BTBD9: variants seen among roughly 807,000 people sequenced by gnomAD.
BTBD9 encodes BTB domain containing 9.
A neutral mutation model predicts 64.3 loss-of-function variants in BTBD9; 49 were observed. The observed-to-expected ratio is 0.76, with a 90% CI of 0.61 to 0.97. BTBD9 has a LOEUF of 0.97. Ranked by LOEUF, BTBD9 falls within the 50% of genes least tolerant of loss-of-function variation. BTBD9 has a pLI of 0.00. For synonymous variants in BTBD9, 260 were observed against 274.7 expected (o/e 0.95, Z 0.53); for missense variants, 598 against 762.1 (o/e 0.78, Z 2.53).
At chr6:38,390,701 G>A (rs10484929) in intron 6 of BTBD9, among the ~76,000 whole-genome samples, 8,727 of 152,218 alleles carry the variant, frequency 0.057, 722 homozygotes, top group East Asian at 0.33. Flanking sequence ...TGTCACCACT[G>A]CTTAAACTGA....
At chr6:38,302,521 A>ATATATATATATATC in intron 7 of BTBD9, among the ~76,000 whole-genome samples, 1 of 115,618 alleles carries the variant, frequency 8.6e-6, no homozygotes, top group Non-Finnish European at 1.9e-5. Flanking sequence ...ATATATATAT[A>ATATATATATATATC]TATCACATTC....
At chr6:38,348,458 T>C (rs373749139) in intron 6 of BTBD9, among the ~76,000 whole-genome samples, 30 of 152,274 alleles carry the variant, frequency 2.0e-4, no homozygotes, top group African/African-American at 6.0e-4. Context: ...AGAACAGATA[T>C]CCTTTGTTCT....
At position 38,566,828 on chromosome 6, in the gene BTBD9, T is replaced by C. The variant is rs1028916042; in HGVS notation, c.1154+10772A>G. 3.3e-5 allele frequency among the ~76,000 whole-genome samples: 5 copies of C among 152,204 alleles called. No homozygotes were observed. The East Asian group carries it at 7.7e-4, about 23-fold the overall frequency. On this transcript the variant is annotated intron_variant, in intron 6 of 10. Transcript: ENST00000481247. ...AATACACATATATCTCAACAAACCATGCACATCATCTGTTCAGAACTGGGA... is the reference window on the plus strand; with the variant it reads ...AATACACATATATCTCAACAAACCACGCACATCATCTGTTCAGAACTGGGA...
At chr6:38,189,288 CAA>C (rs1376122732) in intron 10 of BTBD9, among the ~76,000 whole-genome samples, 1 of 152,206 alleles carries the variant, frequency 6.6e-6, no homozygotes. Context: ...CTGCCTGACC[CAA>C]GTCATCCTCC....
At chr6:38,368,291 C>T (rs1036857818) in intron 6 of BTBD9, among the ~76,000 whole-genome samples, 18 of 152,280 alleles carry the variant, frequency 1.2e-4, no homozygotes, top group African/African-American at 4.1e-4. Flanking sequence ...TGGGGGAATA[C>T]ATTGCCCCTT....
At chr6:38,438,489 T>A (rs549560930) in intron 6 of BTBD9, among the ~76,000 whole-genome samples, 40 of 152,222 alleles carry the variant, frequency 2.6e-4, no homozygotes, top group Admixed American at 2.4e-3. Flanking sequence ...ATGAGTTCAG[T>A]GGAGGAAGAA....
intron 9 of BTBD9, among the ~76,000 whole-genome samples, chr6:38,222,457 C>T (rs905492241): frequency 6.6e-6 from 1 of 151,886 alleles, no homozygotes; most frequent in Non-Finnish European, 1.5e-5. Context: ...GACGGGGTTT[C>T]ACCGTGTTAG....
chr6:38,408,275 T>C (rs555497120), intron 6 of BTBD9, among the ~76,000 whole-genome samples: 2 of 152,248 alleles, frequency 1.3e-5, no homozygotes, highest in South Asian at 2.1e-4. Flanking sequence ...GGGGGATCAC[T>C]TGAGCCCAGG....
At chr6:38,358,570 T>C (rs1459068480) in intron 6 of BTBD9, among the ~76,000 whole-genome samples, 1 of 152,116 alleles carries the variant, frequency 6.6e-6, no homozygotes, top group Non-Finnish European at 1.5e-5. Context: ...TGGCCAAGGA[T>C]TCTAACTCAG....
intron 1 of BTBD9, among the ~76,000 whole-genome samples, chr6:38,635,815 C>G (rs1778511065): frequency 1.3e-5 from 2 of 152,102 alleles, no homozygotes; most frequent in Non-Finnish European, 2.9e-5. Flanking sequence ...AAACTTAGAT[C>G]AGTTCTTGTC....
In BTBD9 at chr6:38,174,999, G is replaced by A. The variant is rs745305623; in HGVS notation, c.1825C>T (p.Arg609Trp). The A allele has an allele frequency of 4.8e-5, 77 of 1,613,966 alleles. No individual in the cohort carries two copies. The highest frequency in any genetic ancestry group is 3.3e-4 in the Middle Eastern group (2 of 6,056). Residue 609 changes from arginine (R) to tryptophan (W), a missense_variant, in exon 11 of 11, where the codon CGG (arginine) becomes TGG (tryptophan). Transcript: ENST00000481247. ...SPGSNSRSPNRQHQ is the reference protein window; with the variant it reads ...SPGSNSRSPNWQHQ ...CGCTGCCTCCTTTATTGGTGCTGCC[G>A]GTTGGGGGAGCGTGAGTTGGAGCCT...
At chr6:38,241,822 G>A (rs1301719663) in intron 9 of BTBD9, among the ~76,000 whole-genome samples, 2 of 152,104 alleles carry the variant, frequency 1.3e-5, no homozygotes, top group South Asian at 2.1e-4. Flanking sequence ...GTCTCTTTTC[G>A]TGGAAGGAAA....
intron 6 of BTBD9, among the ~76,000 whole-genome samples, chr6:38,432,180 G>C (rs1768471299): frequency 6.6e-6 from 1 of 151,942 alleles, no homozygotes; most frequent in Non-Finnish European, 1.5e-5. Context: ...ACCATGTTAT[G>C]ATGTGGTAAA....
intron 9 of BTBD9, among the ~76,000 whole-genome samples, chr6:38,214,868 A>G (rs935343297): frequency 6.6e-6 from 1 of 152,200 alleles, no homozygotes; most frequent in African/African-American, 2.4e-5. Context: ...GTTTCAGTCT[A>G]CCCCTAGCTA....
intron 6 of BTBD9, among the ~76,000 whole-genome samples, chr6:38,424,292 A>G (rs1172428403): frequency 6.6e-6 from 1 of 151,930 alleles, no homozygotes; most frequent in African/African-American, 2.4e-5. Flanking sequence ...TTCATCATAC[A>G]AGGTCATATA....
At position 38,436,262 on chromosome 6, in the gene BTBD9, A is replaced by G. The variant is rs148424836; in HGVS notation, c.1155-91169T>C. Among the ~76,000 whole-genome samples the G allele has an allele frequency of 1.1e-3, 163 of 151,972 alleles. 4 individuals are homozygous for G. Among genetic ancestry groups the G allele is most frequent in the African/African-American group, 3.8e-3 (156 of 41,264 alleles). ...ATTCCAATTTCCTGTCTTAAATCCA[A>G]ATCTCCCACGCTACTTTCTATAAAT... On this transcript the variant is annotated intron_variant, in intron 6 of 10. Transcript: ENST00000481247.
chr6:38,235,565 G>A (rs1763747421), intron 9 of BTBD9, among the ~76,000 whole-genome samples: 1 of 152,154 alleles, frequency 6.6e-6, no homozygotes, highest in Non-Finnish European at 1.5e-5. Flanking sequence ...TTAAGATAGG[G>A]AGGGGTCAGT....
At chr6:38,338,476 T>C (rs1423544069) in intron 7 of BTBD9, among the ~76,000 whole-genome samples, 1 of 152,180 alleles carries the variant, frequency 6.6e-6, no homozygotes, top group Non-Finnish European at 1.5e-5. Flanking sequence ...GGATCCATGC[T>C]GGTAAGACAC....
chr6:38,409,495 T>C (rs1767313816), intron 6 of BTBD9, among the ~76,000 whole-genome samples: 1 of 152,160 alleles, frequency 6.6e-6, no homozygotes, highest in Non-Finnish European at 1.5e-5. Context: ...AACTCCTGTT[T>C]ACTGATTAAG....
Sources: allele counts gnomAD v4.1 joint callset (sites outside exome capture counted in the v4.1 genomes callset), GRCh38; gene constraint gnomAD v4.1.1; transcripts MANE v1.5; gene names NCBI Gene and HGNC (gene_info 2026-07-23, HGNC 2026-07-21).